Variants in FNDC1 observed in about 807,000 individuals in gnomAD.
FNDC1 encodes the protein fibronectin type III domain-containing protein 1.
A neutral mutation model predicts 168.0 loss-of-function variants in FNDC1; 96 were observed. That is an observed-to-expected ratio of 0.57 (90% CI 0.48 to 0.68). The LOEUF is 0.68. Ranked by LOEUF, FNDC1 falls within the 30% of genes least tolerant of loss-of-function variation. FNDC1 has a pLI of 0.00. For synonymous variants in FNDC1, 1,099 were observed against 1,025.9 expected (o/e 1.07, Z -1.36); for missense variants, 2,587 against 2,482.1 (o/e 1.04, Z -0.90).
intron 5 of FNDC1, 82 bp downstream of exon 5, chr6:159,215,233 G>C: frequency 1.6e-6 from 2 of 1,275,390 alleles, no homozygotes; most frequent in East Asian, 4.7e-5. Context: ...TCATGACAGA[G>C]CATTATATTT....
rs1407898306 is a variant in FNDC1, at chr6:159,233,736, C to T, written c.3224C>T (p.Ala1075Val). 77 of 1,549,176 alleles carry T rather than the reference C, an allele frequency of 5.0e-5. No individual in the cohort carries two copies. Among genetic ancestry groups the T allele is most frequent in the Non-Finnish European group, 6.6e-5 (76 of 1,146,534 alleles). Residue 1075 changes from alanine (A) to valine (V), a missense_variant, in exon 11 of 23, where the codon GCC becomes GTC. Transcript: ENST00000297267. This position sits in a 1 kb window ranked among gnomAD's most constrained non-coding sequence, Gnocchi z 4.6. Reference protein sequence around the residue: ...PTALQNQDEDAQGSYDDDSTE... With the variant: ...PTALQNQDEDVQGSYDDDSTE... ...GCCCTCCAGAACCAGGACGAGGATGCCCAGGGCAGCTACGACGACGACAGC... is the reference window on the plus strand; with the variant it reads ...GCCCTCCAGAACCAGGACGAGGATGTCCAGGGCAGCTACGACGACGACAGC...
chr6:159,200,707 A>C, intron 4 of FNDC1, 126 bp downstream of exon 4: 1 of 683,062 alleles, frequency 1.5e-6, no homozygotes, highest in Non-Finnish European at 2.6e-6. Context: ...AAACTAACAC[A>C]CACGCCACAC....
chr6:159,233,596 T>A lies in FNDC1; in HGVS notation c.3084T>A (p.Pro1028=). 1 of 1,579,852 alleles carries A rather than the reference T, an allele frequency of 6.3e-7. No homozygotes were observed. Among genetic ancestry groups the A allele is most frequent in the Non-Finnish European group, 8.6e-7 (1 of 1,166,240 alleles). The change falls in exon 11 of 23, where the codon CCT becomes CCA. Residue 1028 remains proline, a synonymous_variant. Coordinates refer to ENST00000297267, the MANE Select transcript of FNDC1 (RefSeq NM_032532.3). This position sits in a 1 kb window ranked among gnomAD's most constrained non-coding sequence, Gnocchi z 4.6. The part of the protein sequence containing the change: ...GPQSRDAGRS[P]SQPRLSLTQA... Reference sequence around the variant, plus strand: ...AGAGCAGAGACGCGGGTCGGTCACCTTCCCAGCCCAGGCTCTCACTGACCC... The same window carrying A: ...AGAGCAGAGACGCGGGTCGGTCACCATCCCAGCCCAGGCTCTCACTGACCC...
At chr6:159,188,369 CTTTT>C (rs61551779) in intron 1 of FNDC1, among the ~76,000 whole-genome samples, 1 of 128,638 alleles carries the variant, frequency 7.8e-6, no homozygotes, top group Non-Finnish European at 1.7e-5. Context: ...CAATTTCTTT[CTTTT>C]TTTTTTTTTT....
rs1783271681 is a variant in FNDC1, at chr6:159,236,822, C to T, written c.4068+507C>T. On this transcript the variant is annotated intron_variant, in intron 12 of 22. Coordinates refer to ENST00000297267, the MANE Select transcript of FNDC1 (RefSeq NM_032532.3). ...TTTATTAGATCATCTTTTGAATCTTCCAACAAGTGTTGGACTAAAATTATG... is the reference window on the plus strand; with the variant it reads ...TTTATTAGATCATCTTTTGAATCTTTCAACAAGTGTTGGACTAAAATTATG... 2.0e-5 allele frequency among the ~76,000 whole-genome samples: 3 copies of T among 152,282 alleles called. No homozygotes were observed. The South Asian group carries it at 6.2e-4, about 32-fold the overall frequency.
chr6:159,215,032 C>G lies in FNDC1; in HGVS notation c.548C>G (p.Ser183Cys). ...GTTGCGTGGAAGGCACCACGCCTGTCTGGAGCCAAGAGTCCACGCAGATCA... is the reference window on the plus strand; with the variant it reads ...GTTGCGTGGAAGGCACCACGCCTGTGTGGAGCCAAGAGTCCACGCAGATCA... ...LSVAWKAPRLSGAKSPRRSRG... is the reference protein window; with the variant it reads ...LSVAWKAPRLCGAKSPRRSRG... Residue 183 changes from serine to cysteine, a missense_variant, in exon 5 of 23, where the codon TCT becomes TGT. Coordinates refer to ENST00000297267, the MANE Select transcript of FNDC1 (RefSeq NM_032532.3). 3 of 1,614,042 alleles carry G rather than the reference C, an allele frequency of 1.9e-6. No homozygotes were observed. The highest frequency in any genetic ancestry group is 2.5e-6 in the Non-Finnish European group (3 of 1,179,890).
intron 4 of FNDC1, among the ~76,000 whole-genome samples, chr6:159,206,303 T>C (rs1404265749): frequency 6.6e-6 from 1 of 152,286 alleles, no homozygotes; most frequent in African/African-American, 2.4e-5. Context: ...GGGGAATTAA[T>C]GCTGTCTGTG....
chr6:159,232,653 C>A lies in FNDC1; in HGVS notation c.2141C>A (p.Ala714Asp). 1 of 1,613,194 alleles carries A rather than the reference C, an allele frequency of 6.2e-7. No individual in the cohort carries two copies. Among genetic ancestry groups the A allele is most frequent in the Non-Finnish European group, 8.5e-7 (1 of 1,179,456 alleles). Reference sequence around the variant, plus strand: ...GCAGAGGAAGATTCCAGTGCCTCAGCCCCACCCTCAAGACTTTCTCCACCC... The same window carrying A: ...GCAGAGGAAGATTCCAGTGCCTCAGACCCACCCTCAAGACTTTCTCCACCC... ...GAAEEDSSAS[A>D]PPSRLSPPHG... Residue 714 changes from alanine to aspartate, a missense_variant, in exon 11 of 23, where the codon GCC (alanine) becomes GAC (aspartate). Ala to Asp is a moderately radical substitution (Grantham distance 126, BLOSUM62 -2). Coordinates refer to ENST00000297267, the MANE Select transcript of FNDC1 (RefSeq NM_032532.3). The surrounding 1 kb of genome is among the most constrained non-coding windows in gnomAD (Gnocchi z 4.9).
rs1243991156 is a variant in FNDC1 at position 159,232,001 on chromosome 6, C to A, written c.1489C>A (p.Pro497Thr). Reference protein sequence around the residue: ...SSQHPSVPASPQGRNAKDLLL... With the variant: ...SSQHPSVPASTQGRNAKDLLL... ...CCAACACCCCTCTGTGCCTGCTTCT[C>A]CCCAAGGGAGAAATGCCAAGGACCT... The change falls in exon 11 of 23, where the codon CCC becomes ACC. Residue 497 changes from proline (P) to threonine (T), a missense_variant. Transcript: ENST00000297267. The surrounding 1 kb of genome is among the most constrained non-coding windows in gnomAD (Gnocchi z 4.9). 1.2e-6 allele frequency: 2 copies of A among 1,613,844 alleles called. No individual in the cohort carries two copies. Among genetic ancestry groups the A allele is most frequent in the Non-Finnish European group, 1.7e-6 (2 of 1,179,894 alleles).
intron 10 of FNDC1, among the ~76,000 whole-genome samples, chr6:159,230,433 A>G (rs1337955182): frequency 6.6e-6 from 1 of 152,230 alleles, no homozygotes; most frequent in East Asian, 1.9e-4. Flanking sequence ...CCCACTGGGT[A>G]CAATATTCAC....
intron 17 of FNDC1, among the ~76,000 whole-genome samples, chr6:159,255,428 T>G (rs1777353282): frequency 1.3e-5 from 2 of 152,310 alleles, no homozygotes; most frequent in East Asian, 3.9e-4. Flanking sequence ...CAGCTCCCGC[T>G]ACACACCCTC....
chr6:159,235,600 T>C (rs439126), intron 11 of FNDC1, among the ~76,000 whole-genome samples: 128,419 of 152,158 alleles, frequency 0.84, 54,661 homozygotes, highest in Non-Finnish European at 0.9. Flanking sequence ...TGGACCAGAG[T>C]AGACTGGAGC....
At chr6:159,244,428 A>G (rs899762772) in intron 14 of FNDC1, among the ~76,000 whole-genome samples, 4 of 152,202 alleles carry the variant, frequency 2.6e-5, no homozygotes, top group African/African-American at 9.6e-5. Flanking sequence ...CACCAGAGTC[A>G]TTGCCTCAAG....
Position 159,271,669 on chromosome 6 carries a change from C to CT in FNDC1, c.*235dup, listed in dbSNP as rs572247315. 74 of 438,526 alleles carry CT rather than the reference C, an allele frequency of 1.7e-4. No individual in the cohort carries two copies. The highest frequency in any genetic ancestry group is 6.6e-4 in the Middle Eastern group (1 of 1,506). The allele number at this position is 438,526 out of a possible 1,614,324, so 27.2% of individuals were successfully genotyped here. On this transcript the variant is annotated 3_prime_UTR_variant, in exon 23 of 23. Coordinates refer to ENST00000297267, the MANE Select transcript of FNDC1 (RefSeq NM_032532.3). ...TTTTGCTGTTAACTTTGCTTCTCTACTTTTTTTTGTTTGTTTGTAATAGCA... is the reference window on the plus strand; with the variant it reads ...TTTTGCTGTTAACTTTGCTTCTCTACTTTTTTTTTGTTTGTTTGTAATAGCA...
chr6:159,227,671 A>G (rs1782981845), intron 9 of FNDC1, among the ~76,000 whole-genome samples: 1 of 149,740 alleles, frequency 6.7e-6, no homozygotes, highest in Non-Finnish European at 1.5e-5. Flanking sequence ...TGCCATTGGA[A>G]TAAATCCACA....
At chr6:159,179,901 G>A (rs915656377) in intron 1 of FNDC1, among the ~76,000 whole-genome samples, 2 of 152,178 alleles carry the variant, frequency 1.3e-5, no homozygotes, top group South Asian at 4.1e-4. Context: ...GGGTGGTGCC[G>A]AGTGTGGGAC....
chr6:159,208,470 G>A (rs758161246), intron 4 of FNDC1, among the ~76,000 whole-genome samples: 62 of 152,194 alleles, frequency 4.1e-4, no homozygotes, highest in Non-Finnish European at 8.1e-4. Context: ...AATTCTTGTG[G>A]TCGTGGGAAG....
rs1342165427 is a variant in FNDC1 at position 159,269,256 on chromosome 6, T to TC, written c.5569+1331dup. Among the ~76,000 whole-genome samples the TC allele has an allele frequency of 5.7e-3, 291 of 51,394 alleles. 2 individuals carry two copies. The highest frequency in any genetic ancestry group is 7.4e-3 in the Non-Finnish European group (197 of 26,516). The allele number at this position is 51,394 out of a possible 152,430, so 33.7% of individuals were successfully genotyped here. On this transcript the variant is annotated intron_variant, in intron 22 of 22. Coordinates refer to ENST00000297267, the MANE Select transcript of FNDC1 (RefSeq NM_032532.3). ...ATCTATCTATCTATCTATCCATCTATCATCTATCTATCTATCTATCTATCT... is the reference window on the plus strand; with the variant it reads ...ATCTATCTATCTATCTATCCATCTATCCATCTATCTATCTATCTATCTATCT...
intron 13 of FNDC1, 107 bp from the exon 14 acceptor site, chr6:159,239,410 T>C (rs1783348965): frequency 9.8e-7 from 1 of 1,016,096 alleles, no homozygotes; most frequent in Non-Finnish European, 1.4e-6. Context: ...CTTTTACTGA[T>C]TAAAACATGA....
Sources: allele counts gnomAD v4.1 joint callset (sites outside exome capture counted in the v4.1 genomes callset), GRCh38; gene constraint gnomAD v4.1.1; non-coding constraint Gnocchi (gnomAD v3.1); transcripts MANE v1.5; gene names NCBI Gene and HGNC (gene_info 2026-07-23, HGNC 2026-07-21).